ZNF385B: variants seen among roughly 807,000 people sequenced by gnomAD.
ZNF385B encodes the protein zinc finger protein 385B.
In ZNF385B, 23 loss-of-function variants were observed where a neutral mutation model predicts 39.2. The observed-to-expected ratio is 0.59, with a 90% CI of 0.42 to 0.83. The LOEUF is 0.83. Among genes scored for constraint, ZNF385B ranks in the 40% least tolerant of loss-of-function variants. ZNF385B has a pLI of 0.00. For missense variants in ZNF385B, 552 were observed against 598.9 expected (o/e 0.92, Z 0.82); for synonymous variants, 205 against 222.6 (o/e 0.92, Z 0.70).
intron 3 of ZNF385B, among the ~76,000 whole-genome samples, chr2:179,760,223 C>CGCGCGCGTGTGTGTGTGTGT (rs11282329): frequency 1.4e-5 from 2 of 144,474 alleles, no homozygotes; most frequent in African/African-American, 5.1e-5. Context: ...TTCCTGTGTG[C>CGCGCGCGTGTGTGTGTGTGT]GTGTGTGTGT....
chr2:179,689,784 T>C (rs62175168), intron 3 of ZNF385B, among the ~76,000 whole-genome samples: 1 of 3,310 alleles, frequency 3.0e-4, no homozygotes, highest in Non-Finnish European at 1.2e-3. Context: ...GGCAGGGGCA[T>C]GTGTGTGTGT....
At chr2:179,817,285 T>C (rs1026420572) in intron 1 of ZNF385B, among the ~76,000 whole-genome samples, 4 of 152,190 alleles carry the variant, frequency 2.6e-5, no homozygotes, top group Admixed American at 6.5e-5. Flanking sequence ...AAATAGAGAA[T>C]TGTTTCTTGA....
At chr2:179,491,350 G>A (rs550209758) in intron 5 of ZNF385B, among the ~76,000 whole-genome samples, 311 of 152,244 alleles carry the variant, frequency 2.0e-3, no homozygotes, top group African/African-American at 7.3e-3. Context: ...AATGACAAAT[G>A]TATATGTAAA....
intron 1 of ZNF385B, among the ~76,000 whole-genome samples, chr2:179,823,088 C>T (rs1707495795): frequency 6.6e-6 from 1 of 152,106 alleles, no homozygotes; most frequent in Non-Finnish European, 1.5e-5. Flanking sequence ...TAACTTTGCA[C>T]TGGTCAGAAA....
intron 1 of ZNF385B, among the ~76,000 whole-genome samples, chr2:179,845,680 C>A (rs1482362734): frequency 6.6e-6 from 1 of 152,186 alleles, no homozygotes; most frequent in African/African-American, 2.4e-5. Context: ...TACACATGAC[C>A]CTTTCAGATG....
chr2:179,797,726 CGATAGT>C (rs1457740229), intron 1 of ZNF385B, among the ~76,000 whole-genome samples: 1 of 152,018 alleles, frequency 6.6e-6, no homozygotes, highest in Non-Finnish European at 1.5e-5. Context: ...TTCTGAAAAC[CGATAGT>C]CAGATCTAGA....
At chr2:179,493,374 T>C (rs74357415) in intron 5 of ZNF385B, among the ~76,000 whole-genome samples, 2,863 of 151,086 alleles carry the variant, frequency 0.019, 85 homozygotes, top group African/African-American at 0.063. Context: ...TAGGTTTGTG[T>C]GCGCGCGCAC....
At chr2:179,788,530 T>C (rs56342697) in intron 1 of ZNF385B, among the ~76,000 whole-genome samples, 12,059 of 152,138 alleles carry the variant, frequency 0.079, 557 homozygotes, top group Non-Finnish European at 0.11. Context: ...GTGGGTATGA[T>C]ATGGCTGTCA....
chr2:179,585,188 TG>T (rs2106049524), intron 3 of ZNF385B, among the ~76,000 whole-genome samples: 1 of 152,296 alleles, frequency 6.6e-6, no homozygotes, highest in East Asian at 1.9e-4. Flanking sequence ...GTAAAGACAG[TG>T]CTTATGGTAG....
chr2:179,511,879 A>G (rs766630741), intron 5 of ZNF385B, among the ~76,000 whole-genome samples: 1 of 152,226 alleles, frequency 6.6e-6, no homozygotes, highest in Non-Finnish European at 1.5e-5. Context: ...ACCAAAAAAC[A>G]AAATAAAAAA....
intron 1 of ZNF385B, among the ~76,000 whole-genome samples, chr2:179,819,645 C>G (rs187035413): frequency 6.6e-6 from 1 of 152,136 alleles, no homozygotes; most frequent in South Asian, 2.1e-4. Context: ...TCAGGCCCTC[C>G]GAAAGTTGAG....
intron 3 of ZNF385B, among the ~76,000 whole-genome samples, chr2:179,722,791 C>T (rs1019086406): frequency 5.8e-4 from 88 of 152,126 alleles, no homozygotes; most frequent in African/African-American, 2.0e-3. Flanking sequence ...AGCCATTCCA[C>T]GTGAGAATTT....
At chr2:179,860,175 C>A (rs1684925706) in intron 1 of ZNF385B, among the ~76,000 whole-genome samples, 1 of 152,158 alleles carries the variant, frequency 6.6e-6, no homozygotes, top group Admixed American at 6.6e-5. Context: ...AAAGGAAATG[C>A]AAACCTCATC....
At chr2:179,691,038 C>A (rs1006063243) in intron 3 of ZNF385B, among the ~76,000 whole-genome samples, 3 of 152,196 alleles carry the variant, frequency 2.0e-5, no homozygotes, top group African/African-American at 4.8e-5. Context: ...CTCCAGCTAT[C>A]AGCACCTCTG....
chr2:179,466,769 A>G (rs970525784), intron 6 of ZNF385B, among the ~76,000 whole-genome samples: 1 of 151,766 alleles, frequency 6.6e-6, no homozygotes, highest in Non-Finnish European at 1.5e-5. Flanking sequence ...AAAAATACAA[A>G]AATTAGCCAG....
intron 4 of ZNF385B, among the ~76,000 whole-genome samples, chr2:179,518,938 T>C (rs1351623308): frequency 6.6e-6 from 1 of 152,102 alleles, no homozygotes; most frequent in Non-Finnish European, 1.5e-5. Context: ...CTTAGAAGAA[T>C]CATAAAACAA....
chr2:179,549,993 T>C (rs1460416126), intron 3 of ZNF385B, among the ~76,000 whole-genome samples: 1 of 149,512 alleles, frequency 6.7e-6, no homozygotes, highest in Non-Finnish European at 1.5e-5. Context: ...TTAACTTCAG[T>C]GCTTGTAGAT....
At chr2:179,723,097 T>C (rs886664081) in intron 3 of ZNF385B, among the ~76,000 whole-genome samples, 10 of 152,208 alleles carry the variant, frequency 6.6e-5, no homozygotes, top group Admixed American at 2.6e-4. Flanking sequence ...ACTGATCATC[T>C]GCTGCTGGTC....
At chr2:179,760,607 C>T (rs1232300015) in intron 3 of ZNF385B, among the ~76,000 whole-genome samples, 2 of 152,062 alleles carry the variant, frequency 1.3e-5, no homozygotes, top group Non-Finnish European at 2.9e-5. Context: ...CCTTGGAACC[C>T]GTGAGTGCTA....
Sources: allele counts gnomAD v4.1 joint callset (sites outside exome capture counted in the v4.1 genomes callset), GRCh38; gene constraint gnomAD v4.1.1; transcripts MANE v1.5; gene names NCBI Gene and HGNC (gene_info 2026-07-23, HGNC 2026-07-21).